The following LRWD1 variants were observed in gnomAD, a reference collection of about 807,000 sequenced individuals.
LRWD1 encodes the protein leucine-rich repeat and WD repeat-containing protein 1.
LRWD1 carries 76 observed loss-of-function variants against 75.6 expected under a neutral mutation model. That is an observed-to-expected ratio of 1.01 (90% CI 0.84 to 1.22). The LOEUF (loss-of-function observed/expected upper bound fraction) is 1.22. Ranked by LOEUF, LRWD1 falls within the 50% of genes most tolerant of loss-of-function variation. The pLI is 0.00. For missense variants in LRWD1, 917 were observed against 862.0 expected (o/e 1.06, Z -0.80); for synonymous variants, 487 against 377.0 (o/e 1.29, Z -3.38).
At chr7:102,467,156 C>CTGGGGTGTG (rs1462399115) in intron 3 of LRWD1, among the ~76,000 whole-genome samples, 183 bp from the exon 4 acceptor site, 2 of 44,556 alleles carry the variant, frequency 4.5e-5, no homozygotes, top group African/African-American at 1.4e-4. Context: ...TGGGTTGTTG[C>CTGGGGTGTG]TGGGGTGTGT....
rs201552506 is a variant in LRWD1 at position 102,467,788 on chromosome 7, A to C, written c.643A>C (p.Lys215Gln). 1.7e-4 allele frequency: 266 copies of C among 1,551,014 alleles called. No individual in the cohort carries two copies. The highest frequency in any genetic ancestry group is 2.2e-4 in the Non-Finnish European group (249 of 1,147,190). The change falls in exon 5 of 15, where the codon AAG becomes CAG. Residue 215 changes from lysine to glutamine, a missense_variant. By Grantham distance (53) the Lys-to-Gln change is moderately conservative (BLOSUM62 1). Coordinates refer to ENST00000292616, the MANE Select transcript of LRWD1 (RefSeq NM_152892.3). ...TQVQKANSPE[K>Q]PPEAGAAHKP... ...GGTGCAAAAGGCTAACAGCCCAGAG[A>C]AGCCCCCAGAAGCTGGAGCTGCCCA...
At chr7:102,467,161 GTGTGTGTGGGGTGT>G (rs1563654120) in intron 3 of LRWD1, among the ~76,000 whole-genome samples, 164 bp from the exon 4 acceptor site, 10 of 16,512 alleles carry the variant, frequency 6.1e-4, no homozygotes, top group East Asian at 4.8e-3. Context: ...TGTTGCTGGG[GTGTGTGTGGGGTGT>G]GTGTGTGTGT....
intron 3 of LRWD1, among the ~76,000 whole-genome samples, chr7:102,466,688 G>GATT (rs1797988305): frequency 6.6e-6 from 1 of 150,854 alleles, no homozygotes; most frequent in South Asian, 2.1e-4. Context: ...AAAGTGTCGG[G>GATT]ATTACAGGTA....
chr7:102,469,162 C>T (rs10953369), intron 9 of LRWD1, 100 bp downstream of exon 9: 664,622 of 1,104,842 alleles, frequency 0.6, 206,162 homozygotes, highest in Middle Eastern at 0.66. Context: ...TGAGCTCGGG[C>T]GCCTGCCGGG....
At chr7:102,466,841 T>C (rs1008119343) in intron 3 of LRWD1, among the ~76,000 whole-genome samples, 2 of 139,438 alleles carry the variant, frequency 1.4e-5, no homozygotes, top group Non-Finnish European at 3.0e-5. Flanking sequence ...AGTGCAGTGG[T>C]GTGATCGTAT....
chr7:102,468,826 A>G (rs1449549977), intron 8 of LRWD1, 29 bp from the exon 9 acceptor site: 2 of 1,603,608 alleles, frequency 1.2e-6, no homozygotes, highest in South Asian at 1.1e-5. Flanking sequence ...GCTCTGCCCC[A>G]GTGACTGTTT....
At position 102,473,167 on chromosome 7, in the gene LRWD1, A is replaced by C; in HGVS notation, c.*118A>C. 1 of 1,199,984 alleles carries C rather than the reference A, an allele frequency of 8.3e-7. No individual in the cohort carries two copies. Among genetic ancestry groups the C allele is most frequent in the Non-Finnish European group, 1.2e-6 (1 of 867,598 alleles). 74.3% of individuals were successfully genotyped at this position (1,199,984 alleles called of 1,614,324 possible). A position where few individuals can be genotyped will look rare whatever the true frequency, so the allele number is the denominator to read the frequency against. On this transcript the variant is annotated 3_prime_UTR_variant, in exon 15 of 15. Coordinates refer to ENST00000292616, the MANE Select transcript of LRWD1 (RefSeq NM_152892.3). Reference sequence around the variant, plus strand: ...TTTATTAAACTCTACTGTGGACAAGAAGCCTGTGGAAAGGTGTTTCGAGTT... The same window carrying C: ...TTTATTAAACTCTACTGTGGACAAGCAGCCTGTGGAAAGGTGTTTCGAGTT...
chr7:102,469,990 G>T, intron 11 of LRWD1, 108 bp downstream of exon 11: 2 of 1,316,670 alleles, frequency 1.5e-6, no homozygotes, highest in Non-Finnish European at 2.0e-6. Flanking sequence ...CATAAGGGTT[G>T]TTTTTAGAGG....
chr7:102,472,726 C>T lies in LRWD1; in HGVS notation c.1725C>T (p.Gly575=). 1 of 1,613,544 alleles carries T rather than the reference C, an allele frequency of 6.2e-7. No homozygotes were observed. The highest frequency in any genetic ancestry group is 8.5e-7 in the Non-Finnish European group (1 of 1,179,952). The change falls in exon 14 of 15, where the codon GGC becomes GGT. Residue 575 remains glycine (G), a synonymous_variant. Transcript: ENST00000292616. Reference sequence around the variant, plus strand: ...TTGTGCTCTGTGGGGATGAGGAGGGCAACGTGTGGCTCTACGACGTCAGCA... The same window carrying T: ...TTGTGCTCTGTGGGGATGAGGAGGGTAACGTGTGGCTCTACGACGTCAGCA... ...KGIVLCGDEE[G]NVWLYDVSNI...
chr7:102,467,378 C>G lies in LRWD1; in HGVS notation c.472C>G (p.Pro158Ala). The change falls in exon 4 of 15, where the codon CCT (proline) becomes GCT (alanine). Residue 158 changes from proline to alanine, a missense_variant. Physicochemically the swap from Pro to Ala is conservative, Grantham distance 27 (BLOSUM62 -1). Transcript: ENST00000292616. ...HWEKFMATLGPEEEAEKAQAD... is the reference protein window; with the variant it reads ...HWEKFMATLGAEEEAEKAQAD... ...GGAGAAGTTCATGGCCACACTGGGT[C>G]CTGAAGAGGAGGCTGAGAAGGCCCA... The G allele has an allele frequency of 1.9e-6, 3 of 1,613,260 alleles. No individual in the cohort carries two copies. Among genetic ancestry groups the G allele is most frequent in the Non-Finnish European group, 2.5e-6 (3 of 1,179,734 alleles).
chr7:102,472,191 C>T (rs959447561), intron 11 of LRWD1, 27 bp from the exon 12 acceptor site: 1 of 1,565,846 alleles, frequency 6.4e-7, no homozygotes, highest in Non-Finnish European at 8.7e-7. Flanking sequence ...AAGGAATGGC[C>T]AACTAGCATC....
At chr7:102,467,207 TGTGTG>T (rs1798033876) in intron 3 of LRWD1, 127 bp from the exon 4 acceptor site, 5 of 757,494 alleles carry the variant, frequency 6.6e-6, no homozygotes, top group Non-Finnish European at 1.1e-5. Context: ...TGTGTGTGTG[TGTGTG>T]TGTTTTATGA....
chr7:102,472,511 G>C lies in LRWD1; in HGVS notation c.1592G>C (p.Gly531Ala). The C allele has an allele frequency of 6.4e-7, 1 of 1,556,304 alleles. No individual in the cohort carries two copies. The highest frequency in any genetic ancestry group is 8.7e-7 in the Non-Finnish European group (1 of 1,151,638). The change falls in exon 13 of 15, where the codon GGG becomes GCG. Residue 531 changes from glycine (G) to alanine (A), a missense_variant. Transcript: ENST00000292616. ...ICLWSWRQTW[G>A]GRGSQSTVAV... ...CTGTGGAGCTGGAGGCAGACGTGGG[G>C]GGGCCGGGGCAGCCAGTCCACGGTG...
rs968223519 is a variant in LRWD1, at chr7:102,468,007, G to A, written c.679-55G>A. 9.5e-6 allele frequency: 15 copies of A among 1,584,892 alleles called. No individual in the cohort carries two copies. In the African/African-American group the frequency reaches 1.9e-4, roughly 20 times the overall value. ...GTGAGGTGGGGTCCAGCCTGTGATG[G>A]GGAGGAAGGAAGCCCCAGGCAGACA... On this transcript the variant is annotated intron_variant, in intron 5 of 14. Coordinates refer to ENST00000292616, the MANE Select transcript of LRWD1 (RefSeq NM_152892.3).
intron 13 of LRWD1, 37 bp downstream of exon 13, chr7:102,472,646 T>C (rs3800988): frequency 0.68 from 1,100,045 of 1,609,880 alleles, 383,339 homozygotes; most frequent in Non-Finnish European, 0.73. Context: ...TCCCGCGGGC[T>C]TCCGGGAGCT....
At chr7:102,469,299 A>G (rs922896480) in intron 9 of LRWD1, among the ~76,000 whole-genome samples, 4 of 152,162 alleles carry the variant, frequency 2.6e-5, no homozygotes, top group African/African-American at 7.2e-5. Flanking sequence ...GTCCCCTGTC[A>G]GTGACCTGGG....
rs767450079 is a variant in LRWD1 at position 102,472,348 on chromosome 7, G to A, written c.1534+39G>A. On this transcript the variant is annotated intron_variant, in intron 12 of 14. Coordinates refer to ENST00000292616, the MANE Select transcript of LRWD1 (RefSeq NM_152892.3). ...GCTTGTGGGACAGCCTGGCCTCCGG[G>A]CACACAGATGGACCGCTTGTCCCTG... is the stretch of plus-strand genomic sequence containing the variant. The A allele has an allele frequency of 3.5e-5, 54 of 1,553,768 alleles. No homozygotes were observed. In the East Asian group the frequency reaches 9.0e-4, roughly 26 times the overall value.
Position 102,466,113 on chromosome 7 carries a change from A to G in LRWD1, c.316-41A>G, listed in dbSNP as rs776601820. ...CCAGGACTCTGTTGGGCTCAGGCTC[A>G]GCATCTCCTGAGCCACTGCTCTTCA... On this transcript the variant is annotated intron_variant, in intron 2 of 14. Transcript: ENST00000292616. 5 of 1,611,158 alleles carry G rather than the reference A, an allele frequency of 3.1e-6. No individual in the cohort carries two copies. The Admixed American group carries it at 8.3e-5, about 27-fold the overall frequency.
At chr7:102,466,685 C>T (rs918198190) in intron 3 of LRWD1, among the ~76,000 whole-genome samples, 3 of 148,628 alleles carry the variant, frequency 2.0e-5, no homozygotes, top group Non-Finnish European at 4.4e-5. Context: ...CCCAAAGTGT[C>T]GGGATTACAG....
Sources: allele counts gnomAD v4.1 joint callset (sites outside exome capture counted in the v4.1 genomes callset), GRCh38; gene constraint gnomAD v4.1.1; transcripts MANE v1.5; gene names NCBI Gene and HGNC (gene_info 2026-07-23, HGNC 2026-07-21).